The following NSF variants were observed in gnomAD, a reference collection of about 807,000 sequenced individuals.
NSF encodes the protein N-ethylmaleimide sensitive factor, vesicle fusing ATPase.
In NSF, 14 loss-of-function variants were observed where a neutral mutation model predicts 50.3. The ratio of observed to expected loss-of-function variants is 0.28; its 90% confidence interval spans 0.18 to 0.44. The LOEUF (loss-of-function observed/expected upper bound fraction) is 0.44, where lower values mean the gene tolerates loss of function less well. Ranked by LOEUF, NSF falls within the 20% of genes least tolerant of loss-of-function variation. The pLI, the probability that NSF is intolerant of heterozygous loss-of-function variation, is 1.00. For missense variants in NSF, 218 were observed against 504.3 expected (o/e 0.43, Z 5.44); for synonymous variants, 109 against 175.7 (o/e 0.62, Z 3.00).
chr17:46,750,294 A>T (rs1177241053), intron 18 of NSF, among the ~76,000 whole-genome samples: 1 of 152,254 alleles, frequency 6.6e-6, no homozygotes, highest in Non-Finnish European at 1.5e-5. Flanking sequence ...CGGAGGTTGC[A>T]GTGAGCCAAG....
At position 46,736,660 on chromosome 17, in the gene NSF, A is replaced by G. The variant is rs2059008707; in HGVS notation, c.1908+7726A>G. On this transcript the variant is annotated intron_variant, in intron 17 of 20. Transcript: ENST00000398238. ...ATACAATTATTTTTAACTTAGCAGT[A>G]TAACTGTCAAAAATTCCTTAATTCC... Among the ~76,000 whole-genome samples, 4 of 152,260 alleles carry G rather than the reference A, an allele frequency of 2.6e-5. No individual in the cohort carries two copies. In the South Asian group the frequency reaches 6.2e-4, roughly 24 times the overall value.
In NSF at chr17:46,719,286, G is replaced by A. The variant is rs1395370539; in HGVS notation, c.1761+5300G>A. Among the ~76,000 whole-genome samples, 4 of 152,136 alleles carry A rather than the reference G, an allele frequency of 2.6e-5. No individual in the cohort carries two copies. The highest frequency in any genetic ancestry group is 1.5e-5 in the Non-Finnish European group (1 of 68,028). ...TGGTCTGAATTAGTTAATTCATAGAGCATCTTTACCTACCACTTTATTACT... is the reference window on the plus strand; with the variant it reads ...TGGTCTGAATTAGTTAATTCATAGAACATCTTTACCTACCACTTTATTACT... On this transcript the variant is annotated intron_variant, in intron 15 of 20. Coordinates refer to ENST00000398238, the MANE Select transcript of NSF (RefSeq NM_006178.4). This position sits in a 1 kb window ranked among gnomAD's most constrained non-coding sequence, Gnocchi z 4.3.
At chr17:46,678,862 G>C (rs2058426594) in intron 9 of NSF, among the ~76,000 whole-genome samples, 1 of 134,292 alleles carries the variant, frequency 7.4e-6, no homozygotes, top group Non-Finnish European at 1.6e-5. Flanking sequence ...TTTTTAAAGA[G>C]CTGAAAGAAA....
chr17:46,749,687 T>G (rs2059163277), intron 17 of NSF, 86 bp from the exon 18 acceptor site: 1 of 1,263,698 alleles, frequency 7.9e-7, no homozygotes, highest in Non-Finnish European at 1.1e-6. Context: ...TAAATAAAAG[T>G]CTTTTGCAAA....
At chr17:46,732,150 T>A (rs2058955153) in intron 17 of NSF, among the ~76,000 whole-genome samples, 1 of 152,218 alleles carries the variant, frequency 6.6e-6, no homozygotes, top group South Asian at 2.1e-4. Flanking sequence ...TGTGAGCATT[T>A]TTCTTTAAAA....
chr17:46,622,382 C>T (rs916140004), intron 1 of NSF, among the ~76,000 whole-genome samples: 12 of 149,968 alleles, frequency 8.0e-5, no homozygotes, highest in Non-Finnish European at 1.5e-4. Context: ...GGCGTGAACC[C>T]GGGAGGCGGA....
In NSF at chr17:46,719,561, G is replaced by A. The variant is rs1009219464; in HGVS notation, c.1761+5575G>A. On this transcript the variant is annotated intron_variant, in intron 15 of 20. Coordinates refer to ENST00000398238, the MANE Select transcript of NSF (RefSeq NM_006178.4). The surrounding 1 kb of genome is among the most constrained non-coding windows in gnomAD (Gnocchi z 4.3). ...AGTATGTATGAGGTATTGTCCTCAC[G>A]TTCTGGGGGGTATACCATATGTTCC... Among the ~76,000 whole-genome samples, 4 of 152,130 alleles carry A rather than the reference G, an allele frequency of 2.6e-5. No homozygotes were observed. The highest frequency in any genetic ancestry group is 1.3e-4 in the Admixed American group (2 of 15,270).
chr17:46,633,195 AC>A (rs1181765607), intron 4 of NSF, among the ~76,000 whole-genome samples: 1 of 102,798 alleles, frequency 9.7e-6, no homozygotes, highest in Non-Finnish European at 2.1e-5. Context: ...CTGGTCTTGA[AC>A]TCCTGACCTC....
In NSF at chr17:46,756,074, C is replaced by A; in HGVS notation, c.*251C>A. The A allele has an allele frequency of 2.2e-6, 1 of 453,336 alleles. No homozygotes were observed. The highest frequency in any genetic ancestry group is 3.9e-6 in the Non-Finnish European group (1 of 254,404). The allele number at this position is 453,336 out of a possible 1,614,324, so 28.1% of individuals were successfully genotyped here. ...CCTTCCCATGCAGGCTAAAGTGATT[C>A]CTTCTTGCTCAGTCCCTCTGGGTGG... On this transcript the variant is annotated 3_prime_UTR_variant, in exon 21 of 21. Transcript: ENST00000398238.
chr17:46,707,979 G>A (rs1470247984), intron 13 of NSF, among the ~76,000 whole-genome samples: 1 of 150,904 alleles, frequency 6.6e-6, no homozygotes, highest in Non-Finnish European at 1.5e-5. Context: ...GTTGCAGTGA[G>A]CCGAGATTGT....
chr17:46,751,637 TATG>T (rs2059182699), intron 19 of NSF, 21 bp downstream of exon 19: 1 of 1,491,342 alleles, frequency 6.7e-7, no homozygotes, highest in Non-Finnish European at 9.3e-7. Flanking sequence ...TCGTTCTCCG[TATG>T]ACTCAGACAG....
intron 20 of NSF, 192 bp downstream of exon 20, chr17:46,755,561 C>T (rs1442252371): frequency 1.5e-6 from 1 of 689,342 alleles, no homozygotes; most frequent in Admixed American, 2.9e-5. Flanking sequence ...TCCTGCTTCG[C>T]AAAACTTCCT....
At chr17:46,679,729 A>G (rs2146210455) in intron 9 of NSF, among the ~76,000 whole-genome samples, 1 of 152,006 alleles carries the variant, frequency 6.6e-6, no homozygotes, top group South Asian at 2.1e-4. Flanking sequence ...GTTAGTTAAC[A>G]TTAAGTCAAA....
intron 1 of NSF, among the ~76,000 whole-genome samples, chr17:46,622,374 CG>C: frequency 6.6e-6 from 1 of 150,386 alleles, no homozygotes; most frequent in Non-Finnish European, 1.5e-5. Context: ...AGGAGAATGG[CG>C]TGAACCCGGG....
intron 14 of NSF, among the ~76,000 whole-genome samples, chr17:46,712,357 C>T (rs1384608192): frequency 6.6e-6 from 1 of 152,172 alleles, no homozygotes; most frequent in Non-Finnish European, 1.5e-5. Flanking sequence ...AGGGTAGATG[C>T]TGCTGTTGTC....
intron 8 of NSF, among the ~76,000 whole-genome samples, chr17:46,659,833 G>A (rs2058286713): frequency 7.1e-6 from 1 of 141,832 alleles, no homozygotes; most frequent in African/African-American, 2.9e-5. Context: ...GGCCTTGTTT[G>A]TCCTTTGCAT....
intron 20 of NSF, 101 bp downstream of exon 20, chr17:46,755,470 A>G (rs2059223849): frequency 2.0e-6 from 2 of 1,015,314 alleles, no homozygotes; most frequent in Non-Finnish European, 3.1e-6. Context: ...GTTTGTTTCC[A>G]TTTATTTGAA....
At chr17:46,599,046 A>G (rs1431717816) in intron 1 of NSF, among the ~76,000 whole-genome samples, 1 of 75,946 alleles carries the variant, frequency 1.3e-5, no homozygotes, top group Non-Finnish European at 2.5e-5. Context: ...TCTGAAACCC[A>G]GAGGAATTTA....
chr17:46,728,802 G>A (rs1387881676), intron 16 of NSF, 53 bp from the exon 17 acceptor site: 5 of 1,062,426 alleles, frequency 4.7e-6, no homozygotes, highest in Non-Finnish European at 6.8e-6. Flanking sequence ...CTGAATGTTT[G>A]GAATATGTAC....
Sources: gnomAD v4.1 joint callset for allele counts (sites outside exome capture counted in the v4.1 genomes callset) on GRCh38, gnomAD v4.1.1 for gene constraint, Gnocchi (gnomAD v3.1) non-coding constraint, MANE v1.5 for transcripts, NCBI Gene and HGNC (gene_info 2026-07-23, HGNC 2026-07-21) for gene names.